The following ARID4B variants were observed in gnomAD, a reference collection of about 807,000 sequenced individuals.
ARID4B encodes AT-rich interactive domain-containing protein 4B.
ARID4B carries 26 observed loss-of-function variants against 147.5 expected under a neutral mutation model. The ratio of observed to expected loss-of-function variants is 0.18; its 90% confidence interval spans 0.13 to 0.24. ARID4B has a LOEUF of 0.24. Ranked by LOEUF, ARID4B falls within the 10% of genes least tolerant of loss-of-function variation. The pLI is 1.00. For synonymous variants in ARID4B, 512 were observed against 507.9 expected (o/e 1.01, Z -0.11); for missense variants, 1,179 against 1,511.5 (o/e 0.78, Z 3.65).
At chr1:235,255,504 G>A (rs1669927889) in intron 5 of ARID4B, among the ~76,000 whole-genome samples, 156 bp downstream of exon 5, 1 of 151,712 alleles carries the variant, frequency 6.6e-6, no homozygotes, top group Admixed American at 6.6e-5. Flanking sequence ...ATATACTTTG[G>A]AAATAAATTT....
intron 2 of ARID4B, among the ~76,000 whole-genome samples, chr1:235,303,748 AAGAAC>A (rs1167246160): frequency 1.3e-5 from 2 of 152,198 alleles, no homozygotes; most frequent in Admixed American, 1.3e-4. Flanking sequence ...AAAATGTAAA[AAGAAC>A]AAAGATTAAC....
At chr1:235,262,687 T>C (rs1426656360) in intron 2 of ARID4B, among the ~76,000 whole-genome samples, 3 of 152,114 alleles carry the variant, frequency 2.0e-5, no homozygotes, top group Non-Finnish European at 4.4e-5. Context: ...ATCATAAAAA[T>C]GGCCACGCAT....
chr1:235,219,164 C>T (rs748749701), intron 16 of ARID4B, among the ~76,000 whole-genome samples: 3 of 152,070 alleles, frequency 2.0e-5, no homozygotes, highest in African/African-American at 4.8e-5. Flanking sequence ...CGCACCTGGC[C>T]TGCTAAATGA....
chr1:235,229,312 A>T lies in ARID4B; in HGVS notation c.816T>A (p.Asp272Glu). The change falls in exon 11 of 24, where the codon GAT becomes GAA. Residue 272 changes from aspartate (D) to glutamate (E), a missense_variant. Around this residue, in one of 10 missense-constraint regions of ARID4B, gnomAD observed 159 missense variants for 190.5 expected, o/e 0.83. Transcript: ENST00000264183. ...CTTCCTCTGCTTCACTGCTAGAGCT[A>T]TCTTCTTTCAATTCAGTCTTCCAGT... ...PANWKTELKEDSSSSEAEEEE... is the reference protein window; with the variant it reads ...PANWKTELKEESSSSEAEEEE... 2 of 1,613,608 alleles carry T rather than the reference A, an allele frequency of 1.2e-6. No homozygotes were observed. Among genetic ancestry groups the T allele is most frequent in the Middle Eastern group, 3.3e-4 (2 of 6,058 alleles).
rs111585112 is a variant in ARID4B, at chr1:235,236,492, TTGTGTGTGTGTGTGTGTG to T, written c.586-2018_586-2001del. On this transcript the variant is annotated intron_variant, in intron 8 of 23. Transcript: ENST00000264183. ...ATTGAGAAAAAGACTTACAAAACAGTTGTGTGTGTGTGTGTGTGTGTGTGTGTGTGTGTGTGTTTGAGA... is the reference window on the plus strand; with the variant it reads ...ATTGAGAAAAAGACTTACAAAACAGTTGTGTGTGTGTGTGTGTGTTTGAGA... Among the ~76,000 whole-genome samples the T allele has an allele frequency of 1.0e-3, 149 of 147,150 alleles. 1 individual carries two copies. Among genetic ancestry groups the T allele is most frequent in the African/African-American group, 3.4e-3 (134 of 39,748 alleles).
chr1:235,279,304 T>C (rs1267276296), intron 2 of ARID4B, among the ~76,000 whole-genome samples: 2 of 152,010 alleles, frequency 1.3e-5, no homozygotes, highest in East Asian at 3.9e-4. Context: ...TAACAGAATC[T>C]CCATTTAGTT....
intron 21 of ARID4B, 86 bp from the exon 22 acceptor site, chr1:235,175,485 T>TC (rs1663801076): frequency 9.2e-7 from 1 of 1,092,766 alleles, no homozygotes; most frequent in Non-Finnish European, 1.3e-6. Context: ...AATTAGCCAT[T>TC]TGAATTTAGT....
At chr1:235,175,162 G>T (rs753515203) in intron 22 of ARID4B, 22 bp downstream of exon 22, 18 of 1,588,496 alleles carry the variant, frequency 1.1e-5, no homozygotes, top group Non-Finnish European at 1.5e-5. Context: ...TTGTATGCTT[G>T]TCAATTTAAC....
chr1:235,254,486 T>TA (rs1045125285), intron 5 of ARID4B, among the ~76,000 whole-genome samples: 85 of 151,246 alleles, frequency 5.6e-4, no homozygotes, highest in African/African-American at 2.0e-3. Context: ...AAAATAAATT[T>TA]AAAAAGTATA....
chr1:235,212,979 T>G (rs1666804784), intron 17 of ARID4B, among the ~76,000 whole-genome samples: 1 of 152,194 alleles, frequency 6.6e-6, no homozygotes, highest in Non-Finnish European at 1.5e-5. Flanking sequence ...ATAGGCTACA[T>G]TTCAAATATA....
intron 22 of ARID4B, among the ~76,000 whole-genome samples, chr1:235,173,067 T>A (rs1049710678): frequency 1.3e-5 from 2 of 152,046 alleles, no homozygotes; most frequent in Non-Finnish European, 2.9e-5. Context: ...AAACTGGGGC[T>A]GGGCACGGTG....
intron 2 of ARID4B, among the ~76,000 whole-genome samples, chr1:235,307,488 T>A (rs1399248673): frequency 2.0e-5 from 3 of 151,914 alleles, no homozygotes; most frequent in Non-Finnish European, 2.9e-5. Context: ...AAAAAGAAAA[T>A]GTTTCAAATG....
intron 17 of ARID4B, among the ~76,000 whole-genome samples, chr1:235,205,003 T>G (rs1175953453): frequency 5.9e-5 from 9 of 152,192 alleles, no homozygotes; most frequent in Non-Finnish European, 1.3e-4. Context: ...AATACAAACT[T>G]ACAGATAATG....
chr1:235,180,582 T>A (rs1664249041), intron 20 of ARID4B: 1 of 152,154 alleles, frequency 6.6e-6, no homozygotes, highest in Non-Finnish European at 1.5e-5. Flanking sequence ...CTTGTAAATG[T>A]GAAAAAAAGC....
intron 2 of ARID4B, among the ~76,000 whole-genome samples, chr1:235,322,491 T>C (rs1674910616): frequency 6.6e-6 from 1 of 152,154 alleles, no homozygotes; most frequent in East Asian, 1.9e-4. Context: ...TCTGAAAAAC[T>C]TTTCTTCCCT....
intron 2 of ARID4B, among the ~76,000 whole-genome samples, chr1:235,292,090 G>A (rs1317362411): frequency 2.0e-5 from 3 of 152,086 alleles, no homozygotes; most frequent in Admixed American, 2.0e-4. Flanking sequence ...TAGGATATTT[G>A]GACTTTAATA....
chr1:235,256,026 T>G (rs1669963591), intron 4 of ARID4B, among the ~76,000 whole-genome samples: 1 of 151,432 alleles, frequency 6.6e-6, no homozygotes, highest in Non-Finnish European at 1.5e-5. Flanking sequence ...GTACAAAAAT[T>G]GGGCAGGCGT....
intron 2 of ARID4B, among the ~76,000 whole-genome samples, chr1:235,266,889 A>C (rs747994331): frequency 6.6e-6 from 1 of 152,248 alleles, no homozygotes; most frequent in Non-Finnish European, 1.5e-5. Context: ...CATTTTATTG[A>C]GGTAGTTTAT....
At position 235,219,981 on chromosome 1, in the gene ARID4B, C is replaced by G. The variant is rs1210357590; in HGVS notation, c.1408-13G>C. On this transcript the variant is annotated splice_polypyrimidine_tract_variant and intron_variant, in intron 15 of 23. Transcript: ENST00000264183. ...TCTTTTTACTTCCCTAGAAAAAGAT[C>G]AGAGGAAAGAAACCAACAAAAGTAA... 3.3e-6 allele frequency: 5 copies of G among 1,505,110 alleles called. No individual in the cohort carries two copies. Among genetic ancestry groups the G allele is most frequent in the Non-Finnish European group, 4.4e-6 (5 of 1,125,762 alleles). 93.2% of individuals were successfully genotyped at this position (1,505,110 alleles called of 1,614,324 possible).
Sources: gnomAD v4.1 joint callset for allele counts (sites outside exome capture counted in the v4.1 genomes callset) on GRCh38, gnomAD v4.1.1 for gene constraint, gnomAD v4.1.1 regional missense constraint, MANE v1.5 for transcripts, NCBI Gene and HGNC (gene_info 2026-07-23, HGNC 2026-07-21) for gene names.